Variants in GABRA5 observed in about 807,000 individuals in gnomAD.
GABRA5 encodes gamma-aminobutyric acid type A receptor subunit alpha5, also known as gamma-aminobutyric acid receptor subunit alpha-5.
GABRA5 carries 18 observed loss-of-function variants against 47.3 expected under a neutral mutation model. The ratio of observed to expected loss-of-function variants is 0.38; its 90% CI spans 0.26 to 0.56. The LOEUF is 0.56. Among genes scored for constraint, GABRA5 ranks in the 20% least tolerant of loss-of-function variants. The pLI, the probability that GABRA5 is intolerant of heterozygous loss-of-function variation, is 0.71. For synonymous variants in GABRA5, 237 were observed against 229.3 expected, an observed-to-expected ratio of 1.03 and a Z score of -0.30; for missense variants, 365 against 599.3, an observed-to-expected ratio of 0.61 and a Z score of 4.08.
chr15:26,914,965 C>A, intron 7 of GABRA5, 80 bp downstream of exon 7: 1 of 1,105,664 alleles, frequency 9.0e-7, no homozygotes, highest in Non-Finnish European at 1.4e-6. Flanking sequence ...AATTTAGGTT[C>A]TGCATATACA....
At chr15:26,911,371 G>GCGCA (rs1399029077) in intron 6 of GABRA5, among the ~76,000 whole-genome samples, 1 of 118,306 alleles carries the variant, frequency 8.5e-6, no homozygotes, top group African/African-American at 3.3e-5. Context: ...CTTGCTGCAT[G>GCGCA]CACACACACA....
chr15:26,868,281 C>G (rs1204422041), intron 1 of GABRA5, among the ~76,000 whole-genome samples: 4 of 152,128 alleles, frequency 2.6e-5, no homozygotes, highest in Non-Finnish European at 4.4e-5. Context: ...AGGCGACCAC[C>G]GCATGGCACC....
intron 6 of GABRA5, among the ~76,000 whole-genome samples, chr15:26,893,347 G>GTGGTGTGTGTGTATA: frequency 7.4e-6 from 1 of 134,724 alleles, no homozygotes; most frequent in African/African-American, 2.8e-5. Flanking sequence ...ATGGAGTGTC[G>GTGGTGTGTGTGTATA]TGTGTGTGTA....
At chr15:26,913,626 G>C (rs1205037192) in intron 6 of GABRA5, among the ~76,000 whole-genome samples, 3 of 152,144 alleles carry the variant, frequency 2.0e-5, no homozygotes, top group Non-Finnish European at 4.4e-5. Context: ...ACATGCACTT[G>C]AAGTTGAACG....
At chr15:26,892,537 C>A (rs1893034542) in intron 6 of GABRA5, among the ~76,000 whole-genome samples, 1 of 152,264 alleles carries the variant, frequency 6.6e-6, no homozygotes. Context: ...ATGCTACAAT[C>A]TTTTAACGGA....
chr15:26,877,239 A>C (rs1350927585), intron 3 of GABRA5, among the ~76,000 whole-genome samples: 4 of 152,132 alleles, frequency 2.6e-5, no homozygotes, highest in Non-Finnish European at 5.9e-5. Flanking sequence ...GAACCCTGGG[A>C]TTGACCCTCA....
chr15:26,875,947 G>C (rs1393873886), intron 3 of GABRA5, among the ~76,000 whole-genome samples: 1 of 152,276 alleles, frequency 6.6e-6, no homozygotes, highest in Non-Finnish European at 1.5e-5. Context: ...AGGTGAGAGG[G>C]GGTTAACCCG....
chr15:26,924,714 T>C (rs966307175), intron 7 of GABRA5, among the ~76,000 whole-genome samples: 4 of 152,300 alleles, frequency 2.6e-5, no homozygotes, highest in African/African-American at 9.6e-5. Flanking sequence ...GCCACGTTTT[T>C]TGGGGGGATG....
chr15:26,880,648 C>A, intron 3 of GABRA5, 198 bp from the exon 4 acceptor site: 1 of 481,710 alleles, frequency 2.1e-6, no homozygotes, highest in Non-Finnish European at 3.7e-6. Flanking sequence ...ATAACTAGCC[C>A]CAAGCAGAGT....
At position 26,936,147 on chromosome 15, in the gene GABRA5, G is replaced by A. The variant is rs533538602; in HGVS notation, c.581-1038G>A. 1.4e-4 allele frequency among the ~76,000 whole-genome samples: 21 copies of A among 152,246 alleles called. No individual in the cohort carries two copies. In the East Asian group the frequency reaches 4.1e-3, roughly 29 times the overall value. ...CTCTTCTGCCACCCTGTGAAGAGGT[G>A]CCTTCCGCCATGATTGTATGTTTCC... On this transcript the variant is annotated intron_variant, in intron 7 of 10. Coordinates refer to ENST00000335625, the MANE Select transcript of GABRA5 (RefSeq NM_000810.4).
chr15:26,868,274 C>T (rs1023405900), intron 1 of GABRA5, among the ~76,000 whole-genome samples: 1 of 152,074 alleles, frequency 6.6e-6, no homozygotes, highest in African/African-American at 2.4e-5. Context: ...CGCGCCCAGG[C>T]GACCACCGCA....
chr15:26,910,384 A>G (rs1264691460), intron 6 of GABRA5, among the ~76,000 whole-genome samples: 1 of 152,004 alleles, frequency 6.6e-6, no homozygotes, highest in African/African-American at 2.4e-5. Context: ...GGTGGATCAC[A>G]AGGTCAGGAG....
At chr15:26,946,542 TG>T (rs1894516320) in intron 10 of GABRA5, among the ~76,000 whole-genome samples, 1 of 152,114 alleles carries the variant, frequency 6.6e-6, no homozygotes, top group South Asian at 2.1e-4. Flanking sequence ...ACTAGCTTAC[TG>T]TTTTATTCCT....
intron 8 of GABRA5, 130 bp from the exon 9 acceptor site, chr15:26,939,795 A>T: frequency 1.2e-6 from 1 of 857,880 alleles, no homozygotes; most frequent in Admixed American, 2.1e-5. Flanking sequence ...TCCTCTCCTT[A>T]ACCCAGATCA....
At chr15:26,871,098 G>T (rs1395032543) in intron 3 of GABRA5, among the ~76,000 whole-genome samples, 1 of 152,206 alleles carries the variant, frequency 6.6e-6, no homozygotes, top group African/African-American at 2.4e-5. Context: ...GGAGGCTGAG[G>T]CAGGAGAATC....
At chr15:26,920,240 A>G (rs1369758460) in intron 7 of GABRA5, among the ~76,000 whole-genome samples, 2 of 151,958 alleles carry the variant, frequency 1.3e-5, no homozygotes, top group Non-Finnish European at 2.9e-5. Flanking sequence ...GAAACTCAGT[A>G]TACATATTAG....
chr15:26,883,609 C>A lies in GABRA5; in HGVS notation c.497+52C>A, dbSNP rs992811669. The A allele has an allele frequency of 8.0e-6, 11 of 1,378,778 alleles. No individual in the cohort carries two copies. The African/African-American group carries it at 1.5e-4, about 18-fold the overall frequency. The allele number at this position is 1,378,778 out of a possible 1,614,324, so 85.4% of individuals were successfully genotyped here. A position where few individuals can be genotyped will look rare whatever the true frequency, so the allele number is the denominator to read the frequency against. ...GCCGGGGGACGGTGCGGGGCAGGCGCGGCTGCCCATCCTGCCGCAAGAGCT... is the reference window on the plus strand; with the variant it reads ...GCCGGGGGACGGTGCGGGGCAGGCGAGGCTGCCCATCCTGCCGCAAGAGCT... On this transcript the variant is annotated intron_variant, in intron 6 of 10. Coordinates refer to ENST00000335625, the MANE Select transcript of GABRA5 (RefSeq NM_000810.4). The surrounding 1 kb of genome is among the most constrained non-coding windows in gnomAD (Gnocchi z 4.8).
chr15:26,872,467 C>A (rs368679270), intron 3 of GABRA5, among the ~76,000 whole-genome samples: 1 of 152,294 alleles, frequency 6.6e-6, no homozygotes. Flanking sequence ...AGCCCTGGAT[C>A]AAACCAGTCT....
At chr15:26,895,812 C>CAAAAAAA (rs376170037) in intron 6 of GABRA5, among the ~76,000 whole-genome samples, 146 of 123,232 alleles carry the variant, frequency 1.2e-3, no homozygotes, top group African/African-American at 5.0e-3. Context: ...AAGACTCCGT[C>CAAAAAAA]AAAAAAAAAA....
Sources: gnomAD v4.1 joint callset for allele counts (sites outside exome capture counted in the v4.1 genomes callset) on GRCh38, gnomAD v4.1.1 for gene constraint, Gnocchi (gnomAD v3.1) non-coding constraint, MANE v1.5 for transcripts, NCBI Gene and HGNC (gene_info 2026-07-23, HGNC 2026-07-21) for gene names.